Variants in FBXO11 observed in about 807,000 individuals in gnomAD.
The protein encoded by FBXO11 is F-box protein 11.
In FBXO11, 13 loss-of-function variants were observed where a neutral mutation model predicts 117.0. The ratio of observed to expected loss-of-function variants is 0.11; its 90% confidence interval spans 0.07 to 0.18. The LOEUF (loss-of-function observed/expected upper bound fraction) is 0.18. FBXO11 is among the 10% of genes least tolerant of loss of function. The pLI is 1.00. For synonymous variants in FBXO11, 490 were observed against 380.5 expected (o/e 1.29, Z -3.35); for missense variants, 767 against 1,164.4 (o/e 0.66, Z 4.97).
Position 47,833,831 on chromosome 2 carries a change from AT to A in FBXO11, c.934+747del, listed in dbSNP as rs900499062. The stretch of plus-strand genomic sequence containing the variant: ...AGGTGCACACCACCACACCTGGCTA[AT>A]TTTTTTTGTATTTTTAGTAAAGATG... On this transcript the variant is annotated intron_variant, in intron 7 of 22. Transcript: ENST00000403359. 2.8e-4 allele frequency among the ~76,000 whole-genome samples: 42 copies of A among 151,202 alleles called. No individual in the cohort carries two copies. The East Asian group carries it at 8.0e-3, about 29-fold the overall frequency.
chr2:47,853,156 C>G lies in FBXO11; in HGVS notation c.233-13387G>C, dbSNP rs771252617. On this transcript the variant is annotated intron_variant, in intron 1 of 22. Coordinates refer to ENST00000403359, the MANE Select transcript of FBXO11 (RefSeq NM_001190274.2). ...GCACGATCTTGGCTGACTGCAACCT[C>G]CGCCTCCTGAGTTCAAGCCATTCTC... Among the ~76,000 whole-genome samples, 12 of 151,936 alleles carry G rather than the reference C, an allele frequency of 7.9e-5. No homozygotes were observed. In the Middle Eastern group the frequency reaches 0.01, roughly 129 times the overall value.
intron 1 of FBXO11, among the ~76,000 whole-genome samples, chr2:47,864,556 C>A (rs1179031966): frequency 2.6e-5 from 4 of 152,182 alleles, no homozygotes; most frequent in African/African-American, 9.7e-5. Context: ...CACTGCACTC[C>A]AGGCTGGACG....
intron 14 of FBXO11, among the ~76,000 whole-genome samples, 166 bp downstream of exon 14, chr2:47,820,196 A>G (rs4381823): frequency 0.056 from 8,474 of 152,266 alleles, 249 homozygotes; most frequent in Non-Finnish European, 0.069. Flanking sequence ...AATCATTAAG[A>G]TACTGGCAGG....
intron 1 of FBXO11, chr2:47,905,117 A>G (rs939426020): frequency 1.8e-5 from 3 of 163,556 alleles, no homozygotes; most frequent in Middle Eastern, 2.6e-3. Flanking sequence ...AGACTAAACC[A>G]TGGAAGGCGG....
At chr2:47,823,416 T>C (rs1031606950) in intron 11 of FBXO11, 56 bp from the exon 12 acceptor site, 2 of 1,314,102 alleles carry the variant, frequency 1.5e-6, no homozygotes, top group African/African-American at 3.0e-5. Flanking sequence ...AAAAAAGAAA[T>C]GCCATTTAAA....
intron 16 of FBXO11, among the ~76,000 whole-genome samples, chr2:47,818,105 A>C (rs1671135457): frequency 6.6e-6 from 1 of 152,228 alleles, no homozygotes; most frequent in African/African-American, 2.4e-5. Flanking sequence ...ACAAGAGTGA[A>C]ACTCCGTCTC....
chr2:47,821,513 G>A (rs945142364), intron 13 of FBXO11, among the ~76,000 whole-genome samples: 8 of 152,090 alleles, frequency 5.3e-5, no homozygotes, highest in Admixed American at 2.6e-4. Context: ...GGGAGGCTGC[G>A]GCAGGAGAAT....
At chr2:47,812,224 A>T (rs1047686854) in intron 18 of FBXO11, among the ~76,000 whole-genome samples, 1 of 152,180 alleles carries the variant, frequency 6.6e-6, no homozygotes, top group Non-Finnish European at 1.5e-5. Flanking sequence ...ATCACACTAT[A>T]CATTTTATGG....
At chr2:47,859,194 G>T (rs1025566352) in intron 1 of FBXO11, among the ~76,000 whole-genome samples, 1 of 152,064 alleles carries the variant, frequency 6.6e-6, no homozygotes. Flanking sequence ...TCAGAGATAC[G>T]TATTTCCTTT....
chr2:47,905,192 G>T (rs900848830), intron 1 of FBXO11: 1 of 211,208 alleles, frequency 4.7e-6, no homozygotes, highest in South Asian at 1.8e-4. Flanking sequence ...CGCGGGGTCT[G>T]TGAGCGAGCG....
Position 47,832,678 on chromosome 2 carries a change from A to G in FBXO11, c.1154T>C (p.Val385Ala). The G allele has an allele frequency of 6.2e-7, 1 of 1,613,088 alleles. No individual in the cohort carries two copies. The highest frequency in any genetic ancestry group is 8.5e-7 in the Non-Finnish European group (1 of 1,179,438). ...ACCACTAACACATACTGCAGAACCA[A>G]CTGTAGAAAAATTATTTATTTATGT... ...DHCIIRSTCT[V>A]GSAVCVSGQG... Residue 385 changes from valine (V) to alanine (A), a missense_variant and splice_region_variant, in exon 10 of 23, where the codon GTT (valine) becomes GCT (alanine). Physicochemically the swap from Val to Ala is moderately conservative, Grantham distance 64. Coordinates refer to ENST00000403359, the MANE Select transcript of FBXO11 (RefSeq NM_001190274.2).
intron 20 of FBXO11, 99 bp downstream of exon 20, chr2:47,809,501 A>C: frequency 1.1e-6 from 1 of 879,926 alleles, no homozygotes; most frequent in Non-Finnish European, 1.8e-6. Flanking sequence ...ACTGTTGCTA[A>C]CTTGGAGAGT....
chr2:47,844,968 A>G (rs1185244178), intron 1 of FBXO11, among the ~76,000 whole-genome samples: 1 of 152,180 alleles, frequency 6.6e-6, no homozygotes, highest in African/African-American at 2.4e-5. Flanking sequence ...ATATGTTTGT[A>G]GTATGCATGC....
At chr2:47,885,558 T>C (rs765666228) in intron 1 of FBXO11, among the ~76,000 whole-genome samples, 36 of 151,074 alleles carry the variant, frequency 2.4e-4, no homozygotes, top group Non-Finnish European at 3.7e-4. Context: ...CTGGGCAACA[T>C]AGGGAGACTC....
At position 47,808,321 on chromosome 2, in the gene FBXO11, C is replaced by A. The variant is rs2104612750; in HGVS notation, c.2654+8G>T. On this transcript the variant is annotated splice_region_variant and intron_variant, in intron 22 of 22. Transcript: ENST00000403359. Reference sequence around the variant, plus strand: ...TTGGGTAATATATCAAGCAAGTGTGCTACATACCTATCATGTCTAATAAAC... The same window carrying A: ...TTGGGTAATATATCAAGCAAGTGTGATACATACCTATCATGTCTAATAAAC... 6.2e-7 allele frequency: 1 copy of A among 1,612,056 alleles called. No individual in the cohort carries two copies. Among genetic ancestry groups the A allele is most frequent in the African/African-American group, 1.3e-5 (1 of 74,974 alleles).
intron 16 of FBXO11, among the ~76,000 whole-genome samples, chr2:47,815,019 T>C (rs1324938474): frequency 6.6e-6 from 1 of 152,222 alleles, no homozygotes; most frequent in Non-Finnish European, 1.5e-5. Context: ...CACATCTTCA[T>C]GTTCCATTTT....
chr2:47,813,671 G>A (rs1349313807), intron 17 of FBXO11, 120 bp downstream of exon 17: 3 of 741,720 alleles, frequency 4.0e-6, no homozygotes, highest in East Asian at 2.8e-5. Flanking sequence ...GACCTCGGGT[G>A]ATCCACCCAT....
At chr2:47,864,530 T>C (rs1213014867) in intron 1 of FBXO11, among the ~76,000 whole-genome samples, 1 of 152,154 alleles carries the variant, frequency 6.6e-6, no homozygotes, top group East Asian at 1.9e-4. Context: ...GAGGTTGCAG[T>C]GAGCCAAGAT....
At position 47,822,209 on chromosome 2, in the gene FBXO11, T is replaced by C. The variant is rs370514141; in HGVS notation, c.1702+9A>G. The stretch of plus-strand genomic sequence containing the variant: ...CTATAAGTTTTATAGAACAAAACCA[T>C]ACGCTTACCATAAATGTCATTTCCT... On this transcript the variant is annotated intron_variant, in intron 13 of 22. Transcript: ENST00000403359. The C allele has an allele frequency of 5.8e-6, 9 of 1,564,172 alleles. No homozygotes were observed. Among genetic ancestry groups the C allele is most frequent in the Non-Finnish European group, 7.0e-6 (8 of 1,147,398 alleles).
Sources: allele counts gnomAD v4.1 joint callset (sites outside exome capture counted in the v4.1 genomes callset), GRCh38; gene constraint gnomAD v4.1.1; transcripts MANE v1.5; gene names NCBI Gene and HGNC (gene_info 2026-07-23, HGNC 2026-07-21).